TMEM260: variants seen among roughly 807,000 people sequenced by gnomAD.
TMEM260 encodes transmembrane protein 260.
In TMEM260, 82 loss-of-function variants were observed where a neutral mutation model predicts 88.9. The observed-to-expected ratio is 0.92, with a 90% CI of 0.77 to 1.11. The LOEUF (loss-of-function observed/expected upper bound fraction) is 1.11. Ranked by LOEUF, TMEM260 falls within the 50% of genes least tolerant of loss-of-function variation. TMEM260 has a pLI of 0.00. For missense variants in TMEM260, 902 were observed against 853.4 expected, an observed-to-expected ratio of 1.06 and a Z score of -0.71; for synonymous variants, 314 against 309.3, an observed-to-expected ratio of 1.02 and a Z score of -0.16.
intron 12 of TMEM260, among the ~76,000 whole-genome samples, chr14:56,626,510 C>G (rs1888252837): frequency 6.6e-6 from 1 of 152,146 alleles, no homozygotes. Context: ...AGAACACAAT[C>G]TAGTTGTATA....
In TMEM260 at chr14:56,647,325, T is replaced by C. The variant is rs932923137; in HGVS notation, c.1952T>C (p.Leu651Pro). The C allele has an allele frequency of 1.2e-6, 2 of 1,614,226 alleles. No individual in the cohort carries two copies. Among genetic ancestry groups the C allele is most frequent in the Non-Finnish European group, 1.7e-6 (2 of 1,180,048 alleles). The change falls in exon 16 of 16, where the codon CTG becomes CCG. Residue 651 changes from leucine (L) to proline (P), a missense_variant. Physicochemically the swap from Leu to Pro is moderately conservative, Grantham distance 98. Coordinates refer to ENST00000261556, the MANE Select transcript of TMEM260 (RefSeq NM_017799.4). Reference protein sequence around the residue: ...KNYAIACERMLRLQARDADPE... With the variant: ...KNYAIACERMPRLQARDADPE... The stretch of plus-strand genomic sequence containing the variant: ...TATGCCATCGCCTGTGAGCGGATGC[T>C]GCGTCTTCAGGCAAGAGATGCAGAT...
At chr14:56,630,468 G>GTA (rs890027861) in intron 12 of TMEM260, among the ~76,000 whole-genome samples, 4 of 149,998 alleles carry the variant, frequency 2.7e-5, no homozygotes, top group African/African-American at 1.0e-4. Context: ...TGTTTAAATT[G>GTA]TATCTTTTTT....
At chr14:56,580,821 A>G (rs757993207) in intron 1 of TMEM260, among the ~76,000 whole-genome samples, 2 of 152,238 alleles carry the variant, frequency 1.3e-5, no homozygotes, top group Non-Finnish European at 2.9e-5. Flanking sequence ...ATAATGCCAT[A>G]TCATGGCCAG....
intron 3 of TMEM260, among the ~76,000 whole-genome samples, chr14:56,593,671 G>A (rs1434939652): frequency 1.5e-5 from 2 of 135,698 alleles, no homozygotes; most frequent in Admixed American, 7.5e-5. Context: ...ATTGACAGGT[G>A]AGTGTCTTTT....
Position 56,603,822 on chromosome 14 carries a change from G to A in TMEM260, c.352G>A (p.Gly118Ser). Reference sequence around the variant, plus strand: ...TGTTATCTGTGTTTGCAGGCTTTCTGGCTCATCTGCTGGAGGAATCCTTGC... The same window carrying A: ...TGTTATCTGTGTTTGCAGGCTTTCTAGCTCATCTGCTGGAGGAATCCTTGC... The part of the protein sequence containing the change: ...LLFFTVFRLS[G>S]SSAGGILAAG... Residue 118 changes from glycine (G) to serine (S), a missense_variant, in exon 4 of 16, where the codon GGC becomes AGC. Transcript: ENST00000261556. 1 of 1,613,722 alleles carries A rather than the reference G, an allele frequency of 6.2e-7. No individual in the cohort carries two copies. The highest frequency in any genetic ancestry group is 8.5e-7 in the Non-Finnish European group (1 of 1,179,698).
chr14:56,586,592 AAG>A (rs1885519605), intron 3 of TMEM260, among the ~76,000 whole-genome samples: 1 of 152,100 alleles, frequency 6.6e-6, no homozygotes. Context: ...TCCTATACCT[AAG>A]AGGATTATAG....
In TMEM260 at chr14:56,647,656, CAG is replaced by C; in HGVS notation, c.*160_*161del. The C allele has an allele frequency of 1.3e-6, 1 of 756,412 alleles. No homozygotes were observed. The highest frequency in any genetic ancestry group is 2.0e-6 in the Non-Finnish European group (1 of 496,588). The allele number at this position is 756,412 out of a possible 1,614,324, so 46.9% of individuals were successfully genotyped here. On this transcript the variant is annotated 3_prime_UTR_variant, in exon 16 of 16. Coordinates refer to ENST00000261556, the MANE Select transcript of TMEM260 (RefSeq NM_017799.4). ...CAGCAGTACTGTTTAATGGGGTATT[CAG>C]TGACTAAGGTCTGCTATTTATGCAA...
the TMEM260 span, among the ~76,000 whole-genome samples, chr14:56,656,438 A>C: frequency 3.3e-5 from 5 of 152,152 alleles, no homozygotes; most frequent in African/African-American, 1.2e-4. Context: ...AAATAAATAA[A>C]TAAAGCTCTG....
At chr14:56,609,692 A>AT (rs1887133159) in intron 6 of TMEM260, among the ~76,000 whole-genome samples, 2 of 152,058 alleles carry the variant, frequency 1.3e-5, no homozygotes, top group African/African-American at 2.4e-5. Flanking sequence ...TTATTTATTT[A>AT]TTTTTTACAT....
intron 3 of TMEM260, 125 bp from the exon 4 acceptor site, chr14:56,603,690 C>A: frequency 1.1e-6 from 1 of 923,924 alleles, no homozygotes; most frequent in Non-Finnish European, 1.7e-6. Flanking sequence ...AATGTATTAA[C>A]CATATAATGT....
the TMEM260 span, among the ~76,000 whole-genome samples, chr14:56,661,222 A>C: frequency 1.3e-5 from 2 of 151,630 alleles, no homozygotes; most frequent in African/African-American, 4.9e-5. Context: ...GGTGGTCGCC[A>C]CCCCTCCTCC....
chr14:56,652,955 T>C (rs550612541), downstream of TMEM260, among the ~76,000 whole-genome samples: 10 of 152,096 alleles, frequency 6.6e-5, no homozygotes, highest in African/African-American at 2.2e-4. Flanking sequence ...ATGAAGTCAA[T>C]TGAGTGAGAA....
chr14:56,627,824 A>G (rs1348162895), intron 12 of TMEM260, among the ~76,000 whole-genome samples: 1 of 152,160 alleles, frequency 6.6e-6, no homozygotes, highest in Non-Finnish European at 1.5e-5. Context: ...TAACCCGTGT[A>G]TACATTTGTG....
rs10594077 is a variant in TMEM260, at chr14:56,583,990, T to TTGTGTGTGTGTGTGTGTGTGTG, written c.161-995_161-974dup. 6.9e-5 allele frequency among the ~76,000 whole-genome samples: 10 copies of TTGTGTGTGTGTGTGTGTGTGTG among 145,942 alleles called. 1 individual carries two copies. The highest frequency in any genetic ancestry group is 2.0e-4 in the Admixed American group (3 of 14,658). On this transcript the variant is annotated intron_variant, in intron 1 of 15. Coordinates refer to ENST00000261556, the MANE Select transcript of TMEM260 (RefSeq NM_017799.4). ...TAGACTAGGGATGCAATCCAGCCTT[T>TTGTGTGTGTGTGTGTGTGTGTG]TGTGTGTGTGTGTGTGTGTGTGTGT...
chr14:56,596,784 TA>T (rs764574288), intron 3 of TMEM260, among the ~76,000 whole-genome samples: 3 of 114,308 alleles, frequency 2.6e-5, no homozygotes, highest in Admixed American at 8.2e-5. Context: ...AAAAAAAAAT[TA>T]AAAAAAAAAA....
At chr14:56,585,447 T>G (rs997776122) in intron 2 of TMEM260, among the ~76,000 whole-genome samples, 10 of 152,096 alleles carry the variant, frequency 6.6e-5, no homozygotes, top group African/African-American at 2.4e-4. Context: ...AGAACCTGCT[T>G]TTTTTCAATA....
Position 56,620,414 on chromosome 14 carries a change from C to A in TMEM260, c.1227-1117C>A, listed in dbSNP as rs115015949. ...GTCCTGGACACAACATCATCGCTAG[C>A]TCAAGAAGGTGCACCAAGCCCACAG... is the stretch of plus-strand genomic sequence containing the variant. On this transcript the variant is annotated intron_variant, in intron 10 of 15. Coordinates refer to ENST00000261556, the MANE Select transcript of TMEM260 (RefSeq NM_017799.4). 6.5e-3 allele frequency among the ~76,000 whole-genome samples: 985 copies of A among 152,324 alleles called. 10 individuals are homozygous for A. Among genetic ancestry groups the A allele is most frequent in the African/African-American group, 0.022 (903 of 41,560 alleles).
At chr14:56,583,203 A>T (rs1885250165) in intron 1 of TMEM260, among the ~76,000 whole-genome samples, 1 of 152,250 alleles carries the variant, frequency 6.6e-6, no homozygotes, top group African/African-American at 2.4e-5. Flanking sequence ...CTATAAAATC[A>T]TATCCTTTAC....
intron 3 of TMEM260, among the ~76,000 whole-genome samples, chr14:56,597,689 ATGT>A (rs1236040417): frequency 6.6e-6 from 1 of 152,132 alleles, no homozygotes; most frequent in African/African-American, 2.4e-5. Context: ...ATGGCTTACC[ATGT>A]TGTTGGATTG....
Sources: allele counts gnomAD v4.1 joint callset (sites outside exome capture counted in the v4.1 genomes callset), GRCh38; gene constraint gnomAD v4.1.1; transcripts MANE v1.5; gene names NCBI Gene and HGNC (gene_info 2026-07-23, HGNC 2026-07-21).